ATP11C: variants seen among roughly 807,000 people sequenced by gnomAD.
ATP11C encodes ATPase phospholipid transporting 11C (ATP11C blood group).
ATP11C carries 36 observed loss-of-function variants against 97.4 expected under a neutral mutation model. The observed-to-expected ratio is 0.37, with a 90% CI of 0.28 to 0.49. The LOEUF is 0.49. Ranked by LOEUF, ATP11C falls within the 20% of genes least tolerant of loss-of-function variation. The pLI is 0.98. For missense variants in ATP11C, 730 were observed against 824.6 expected (o/e 0.89, Z 1.40); for synonymous variants, 275 against 290.9 (o/e 0.95, Z 0.56).
At position 139,774,798 on chromosome X, in the gene ATP11C, T is replaced by A. The variant is rs759642275; in HGVS notation, c.2108A>T (p.Lys703Ile). ...TNTELLELTT[K>I]TIEESERKED... is the part of the protein sequence containing the mutation. Reference sequence around the variant, plus strand: ...TTTCCTTTCACTTTCTTCAATGGTTTTTGTGGTTAGTTCTAAGAGCTCAGT... The same window carrying A: ...TTTCCTTTCACTTTCTTCAATGGTTATTGTGGTTAGTTCTAAGAGCTCAGT... The change falls in exon 19 of 30, where the codon AAA becomes ATA. Residue 703 changes from lysine (K) to isoleucine (I), a missense_variant. Lys to Ile is a moderately radical substitution (Grantham distance 102). Transcript: ENST00000682941. 5.2e-5 allele frequency: 63 copies of A among 1,210,575 alleles called. No homozygotes were observed. Among genetic ancestry groups the A allele is most frequent in the Non-Finnish European group, 6.7e-5 (60 of 895,346 alleles).
chrX:139,878,267 A>G (rs1035581520), intron 1 of ATP11C, among the ~76,000 whole-genome samples: 2 of 111,856 alleles, frequency 1.8e-5, no homozygotes, highest in Admixed American at 1.9e-4. Context: ...TGTTGTACTC[A>G]ATAATTATTG....
At chrX:139,903,600 A>C (rs769361648) in intron 1 of ATP11C, among the ~76,000 whole-genome samples, 2 of 108,032 alleles carry the variant, frequency 1.9e-5, no homozygotes, top group South Asian at 8.3e-4. Context: ...TAAACCGGTA[A>C]GCATTAAAAA....
At chrX:139,731,780 T>TA (rs1276595517) in intron 28 of ATP11C, 25 bp from the exon 29 acceptor site, 1 of 1,052,081 alleles carries the variant, frequency 9.5e-7, no homozygotes, top group East Asian at 3.2e-5. Flanking sequence ...CAAAGATACT[T>TA]AAAGCATTTG....
intron 1 of ATP11C, among the ~76,000 whole-genome samples, chrX:139,857,961 G>A (rs1488158160): frequency 8.9e-6 from 1 of 112,039 alleles, no homozygotes; most frequent in Non-Finnish European, 1.9e-5. Flanking sequence ...GTGGGACCAG[G>A]ATGGTAAGAG....
Position 139,745,698 on chromosome X carries a change from G to A in ATP11C, c.2964+24C>T, listed in dbSNP as rs773425394. 4.2e-6 allele frequency: 5 copies of A among 1,192,741 alleles called. No individual in the cohort carries two copies. In the South Asian group the frequency reaches 9.4e-5, roughly 23 times the overall value. Reference sequence around the variant, plus strand: ...ACAAGCCATGCTTATAATACCAAAAGATGTAATGACAGGTTCTTTTTACCT... The same window carrying A: ...ACAAGCCATGCTTATAATACCAAAAAATGTAATGACAGGTTCTTTTTACCT... On this transcript the variant is annotated intron_variant, in intron 25 of 29. Coordinates refer to ENST00000682941, the MANE Select transcript of ATP11C (RefSeq NM_001353812.2).
intron 24 of ATP11C, among the ~76,000 whole-genome samples, chrX:139,747,387 C>T (rs945779822): frequency 5.4e-5 from 6 of 111,022 alleles, no homozygotes; most frequent in African/African-American, 1.6e-4. Flanking sequence ...TAGCTGCATT[C>T]GAATAAAGAA....
intron 27 of ATP11C, among the ~76,000 whole-genome samples, chrX:139,738,280 A>T (rs2081486256): frequency 8.9e-6 from 1 of 112,402 alleles, no homozygotes; most frequent in Non-Finnish European, 1.9e-5. Context: ...GAGAAAAAAG[A>T]TAAAATGCAT....
At chrX:139,792,686 T>C (rs776628282) in intron 12 of ATP11C, among the ~76,000 whole-genome samples, 2 of 111,402 alleles carry the variant, frequency 1.8e-5, no homozygotes, top group African/African-American at 6.5e-5. Flanking sequence ...GTCAAAAGTG[T>C]TGAGTGGCTA....
Position 139,788,285 on chromosome X carries a change from G to A in ATP11C, c.1427C>T (p.Thr476Ile). 1 of 1,207,983 alleles carries A rather than the reference G, an allele frequency of 8.3e-7. No individual in the cohort carries two copies. The highest frequency in any genetic ancestry group is 1.1e-6 in the Non-Finnish European group (1 of 892,292). Residue 476 changes from threonine to isoleucine, a missense_variant, in exon 14 of 30, where the codon ACA (threonine) becomes ATA (isoleucine). Physicochemically the swap from Thr to Ile is moderately conservative, Grantham distance 89 (BLOSUM62 -1). Transcript: ENST00000682941. ...LCLCHTVEIKTNDAVDGATES... is the reference protein window; with the variant it reads ...LCLCHTVEIKINDAVDGATES... ...TGTAGCTCCATCAACAGCATCGTTT[G>A]TTTTGATTTCTACAGTATGACATAA...
chrX:139,782,159 T>C lies in ATP11C; in HGVS notation c.1952+388A>G, dbSNP rs769261731. ...GGCTAACACAGTGAAACCCCATCTCTACTAAAAATACAAAAAAATTAGCCG... is the reference window on the plus strand; with the variant it reads ...GGCTAACACAGTGAAACCCCATCTCCACTAAAAATACAAAAAAATTAGCCG... On this transcript the variant is annotated intron_variant, in intron 18 of 29. Transcript: ENST00000682941. 5.4e-4 allele frequency among the ~76,000 whole-genome samples: 59 copies of C among 109,028 alleles called. 1 individual carries two copies. Among genetic ancestry groups the C allele is most frequent in the African/African-American group, 1.9e-3 (58 of 29,873 alleles). The allele number at this position is 109,028 out of a possible 115,157, so 94.7% of individuals were successfully genotyped here.
At chrX:139,903,432 AC>A (rs936252628) in intron 1 of ATP11C, among the ~76,000 whole-genome samples, 1 of 108,664 alleles carries the variant, frequency 9.2e-6, no homozygotes, top group Non-Finnish European at 1.9e-5. Flanking sequence ...TTCCATAAAA[AC>A]CCAAGGGGTC....
chrX:139,909,466 G>A (rs145402974), intron 1 of ATP11C, among the ~76,000 whole-genome samples: 62 of 110,940 alleles, frequency 5.6e-4, no homozygotes, highest in African/African-American at 2.0e-3. Flanking sequence ...CTTTCCTTCT[G>A]TATCTGGTCT....
chrX:139,929,704 A>T (rs1299748766), intron 1 of ATP11C, among the ~76,000 whole-genome samples: 1 of 111,839 alleles, frequency 8.9e-6, no homozygotes, highest in Non-Finnish European at 1.9e-5. Context: ...ATATTAAAAC[A>T]ATCATAAGAC....
intron 19 of ATP11C, among the ~76,000 whole-genome samples, chrX:139,772,157 G>A (rs915367953): frequency 5.3e-5 from 6 of 112,575 alleles, no homozygotes; most frequent in African/African-American, 1.3e-4. Flanking sequence ...AGGGGCCAAC[G>A]TAGAGCTTAG....
chrX:139,847,249 C>T (rs967837023), intron 1 of ATP11C, among the ~76,000 whole-genome samples: 2 of 109,649 alleles, frequency 1.8e-5, no homozygotes, highest in South Asian at 4.0e-4. Context: ...GGCATGGTGG[C>T]GTGCATGCCT....
At chrX:139,841,902 C>T (rs1189555996) in intron 1 of ATP11C, among the ~76,000 whole-genome samples, 1 of 112,399 alleles carries the variant, frequency 8.9e-6, no homozygotes, top group East Asian at 2.8e-4. Context: ...CTTCCTCGTT[C>T]CCCTAGCTAT....
At chrX:139,893,962 C>T (rs1388521728) in intron 1 of ATP11C, among the ~76,000 whole-genome samples, 1 of 110,422 alleles carries the variant, frequency 9.1e-6, no homozygotes, top group Non-Finnish European at 1.9e-5. Flanking sequence ...AGAAAATCTG[C>T]TCTTTCCATT....
chrX:139,918,669 C>G (rs1424735173), intron 1 of ATP11C, among the ~76,000 whole-genome samples: 1 of 68,495 alleles, frequency 1.5e-5, no homozygotes, highest in Non-Finnish European at 3.0e-5. Flanking sequence ...GACTGAAACC[C>G]CATTTCAAAA....
intron 20 of ATP11C, among the ~76,000 whole-genome samples, chrX:139,767,763 C>G (rs1389352405): frequency 8.9e-6 from 1 of 111,782 alleles, no homozygotes; most frequent in Admixed American, 9.5e-5. Context: ...TAAAAAGTCA[C>G]TACATTGACA....
Sources: gnomAD v4.1 joint callset for allele counts (sites outside exome capture counted in the v4.1 genomes callset) on GRCh38, gnomAD v4.1.1 for gene constraint, MANE v1.5 for transcripts, NCBI Gene and HGNC (gene_info 2026-07-23, HGNC 2026-07-21) for gene names.